SDK1: variants seen among roughly 807,000 people sequenced by gnomAD.
SDK1 encodes the protein protein sidekick-1.
A neutral mutation model predicts 245.5 loss-of-function variants in SDK1; 157 were observed. That is an observed-to-expected ratio of 0.64 (90% CI 0.56 to 0.73). The LOEUF (loss-of-function observed/expected upper bound fraction) is 0.73. SDK1 is among the 30% of genes least tolerant of loss of function. The probability of loss-of-function intolerance (pLI) is 0.00; values close to 1 mark genes in which losing one functional copy is unlikely to be tolerated. For missense variants in SDK1, 3,583 were observed against 3,002.3 expected, an observed-to-expected ratio of 1.19 and a Z score of -4.52; for synonymous variants, 1,647 against 1,278.5, an observed-to-expected ratio of 1.29 and a Z score of -6.15.
intron 5 of SDK1, among the ~76,000 whole-genome samples, chr7:3,822,567 C>T (rs180747839): frequency 3.9e-5 from 6 of 151,980 alleles, no homozygotes; most frequent in Middle Eastern, 6.8e-3. Flanking sequence ...GTCAAGAGTT[C>T]GAGACCAGCC....
chr7:3,651,674 G>A (rs573771013), intron 4 of SDK1, among the ~76,000 whole-genome samples: 20 of 152,280 alleles, frequency 1.3e-4, no homozygotes, highest in Admixed American at 3.3e-4. Flanking sequence ...TCCAGAAGCA[G>A]AATGAGCTCC....
intron 1 of SDK1, among the ~76,000 whole-genome samples, chr7:3,486,800 T>C (rs1781709775): frequency 6.6e-6 from 1 of 152,206 alleles, no homozygotes; most frequent in South Asian, 2.1e-4. Context: ...AAATATATCC[T>C]TTTGTCCTAA....
At chr7:3,451,827 A>T (rs1321504288) in intron 1 of SDK1, among the ~76,000 whole-genome samples, 1 of 152,182 alleles carries the variant, frequency 6.6e-6, no homozygotes, top group Admixed American at 6.5e-5. Context: ...GTACTGGGCC[A>T]ATCAAACTAG....
intron 1 of SDK1, among the ~76,000 whole-genome samples, chr7:3,454,168 A>T (rs1373831245): frequency 6.6e-6 from 1 of 152,174 alleles, no homozygotes. Flanking sequence ...TACTCATTCT[A>T]TAAAAATTTG....
intron 1 of SDK1, among the ~76,000 whole-genome samples, chr7:3,522,393 A>G (rs1384274135): frequency 6.6e-6 from 1 of 152,180 alleles, no homozygotes; most frequent in African/African-American, 2.4e-5. Flanking sequence ...TAATTCGGAG[A>G]CAATGCCCAA....
chr7:3,811,457 G>A (rs1427012438), intron 4 of SDK1, among the ~76,000 whole-genome samples: 1 of 152,192 alleles, frequency 6.6e-6, no homozygotes, highest in Non-Finnish European at 1.5e-5. Flanking sequence ...AGTCAGGTTC[G>A]ACACTACTTC....
chr7:4,076,803 C>G (rs767046586), intron 20 of SDK1, among the ~76,000 whole-genome samples, 195 bp from the exon 21 acceptor site: 4 of 152,074 alleles, frequency 2.6e-5, no homozygotes, highest in African/African-American at 9.7e-5. Flanking sequence ...AGCAGGTTTA[C>G]GAGATCGCAT....
chr7:3,821,354 T>A, intron 4 of SDK1, 96 bp from the exon 5 acceptor site: 2 of 1,377,460 alleles, frequency 1.5e-6, no homozygotes, highest in East Asian at 4.8e-5. Context: ...TTTTAAACTC[T>A]AGGCATTCCT....
chr7:3,618,792 G>A (rs966249517), intron 1 of SDK1, among the ~76,000 whole-genome samples: 1 of 152,146 alleles, frequency 6.6e-6, no homozygotes, highest in African/African-American at 2.4e-5. Context: ...GGGATTGTCC[G>A]ATATGTCCCT....
chr7:3,902,458 T>G (rs1781823443), intron 5 of SDK1, among the ~76,000 whole-genome samples: 1 of 152,226 alleles, frequency 6.6e-6, no homozygotes, highest in South Asian at 2.1e-4. Context: ...TATTTCCTTC[T>G]GGTTCTTCTT....
chr7:3,864,758 C>A (rs1339854609), intron 5 of SDK1, among the ~76,000 whole-genome samples: 1 of 152,060 alleles, frequency 6.6e-6, no homozygotes, highest in African/African-American at 2.4e-5. Flanking sequence ...GTTTATTGCT[C>A]CCAAATTCAC....
At chr7:3,886,901 A>G (rs1022128615) in intron 5 of SDK1, among the ~76,000 whole-genome samples, 19 of 152,166 alleles carry the variant, frequency 1.2e-4, no homozygotes, top group African/African-American at 4.3e-4. Context: ...GGGCAAGAGA[A>G]TGAGATCTCA....
intron 1 of SDK1, among the ~76,000 whole-genome samples, chr7:3,551,822 T>C (rs1177085387): frequency 6.6e-6 from 1 of 152,132 alleles, no homozygotes; most frequent in African/African-American, 2.4e-5. Flanking sequence ...ATTACAGGCA[T>C]GAGCCACTGC....
At chr7:3,917,242 T>C (rs1583560663) in intron 5 of SDK1, among the ~76,000 whole-genome samples, 1 of 152,246 alleles carries the variant, frequency 6.6e-6, no homozygotes. Flanking sequence ...CCTTGTCTTA[T>C]AGGCAGGTGT....
chr7:3,490,737 G>T (rs1478801777), intron 1 of SDK1, among the ~76,000 whole-genome samples: 2 of 152,196 alleles, frequency 1.3e-5, no homozygotes, highest in East Asian at 1.9e-4. Flanking sequence ...GGAGGGGTCT[G>T]TGAGCCCCTG....
chr7:3,485,113 C>G (rs957457810), intron 1 of SDK1, among the ~76,000 whole-genome samples: 27 of 152,172 alleles, frequency 1.8e-4, no homozygotes, highest in African/African-American at 6.3e-4. Context: ...AATTTACATT[C>G]TCACCAAGAC....
intron 16 of SDK1, among the ~76,000 whole-genome samples, chr7:4,016,046 T>C (rs1786373601): frequency 6.6e-6 from 1 of 152,254 alleles, no homozygotes; most frequent in Non-Finnish European, 1.5e-5. Context: ...TCTTCTCTGC[T>C]TCGGTGTCAG....
At chr7:3,506,903 A>G (rs1435169431) in intron 1 of SDK1, among the ~76,000 whole-genome samples, 3 of 151,396 alleles carry the variant, frequency 2.0e-5, no homozygotes, top group Non-Finnish European at 2.9e-5. Context: ...CATCATCTCT[A>G]TCATTGCTAT....
At chr7:4,189,126 G>A (rs980411093) in intron 35 of SDK1, among the ~76,000 whole-genome samples, 4 of 152,078 alleles carry the variant, frequency 2.6e-5, no homozygotes, top group Admixed American at 2.0e-4. Flanking sequence ...GGAAATCCTC[G>A]CCGTCTTCCT....
Sources: allele counts gnomAD v4.1 joint callset (sites outside exome capture counted in the v4.1 genomes callset), GRCh38; gene constraint gnomAD v4.1.1; transcripts MANE v1.5; gene names NCBI Gene and HGNC (gene_info 2026-07-23, HGNC 2026-07-21).